The following MGAM variants were observed in gnomAD, a reference collection of about 807,000 sequenced individuals.
MGAM encodes maltase-glucoamylase, also known as alpha-1,4-glucosidase.
In MGAM, 253 loss-of-function variants were observed where a neutral mutation model predicts 358.8. The observed-to-expected ratio is 0.71, with a 90% CI of 0.64 to 0.78. MGAM has a LOEUF of 0.78. Among genes scored for constraint, MGAM ranks in the 30% least tolerant of loss-of-function variants. MGAM has a pLI of 0.00. For synonymous variants in MGAM, 1,105 were observed against 1,227.1 expected, an observed-to-expected ratio of 0.90 and a Z score of 2.08; for missense variants, 3,080 against 3,432.6, an observed-to-expected ratio of 0.90 and a Z score of 2.57.
intron 2 of MGAM, among the ~76,000 whole-genome samples, chr7:141,989,881 G>A (rs1451972386): frequency 6.6e-6 from 1 of 152,176 alleles, no homozygotes; most frequent in Non-Finnish European, 1.5e-5. Context: ...TCCACCCATA[G>A]TTAATTACTG....
intron 21 of MGAM, among the ~76,000 whole-genome samples, chr7:142,041,504 T>C (rs1222896296): frequency 6.6e-6 from 1 of 152,066 alleles, no homozygotes; most frequent in African/African-American, 2.4e-5. Context: ...TGCACACTGA[T>C]ACCAAATTAA....
At chr7:142,078,684 T>C (rs1563202107) in intron 48 of MGAM, 124 bp from the exon 49 acceptor site, 3 of 1,142,868 alleles carry the variant, frequency 2.6e-6, no homozygotes, top group Non-Finnish European at 3.7e-6. Context: ...TTTATGTTAT[T>C]GCCAAGTGAT....
chr7:142,101,522 G>A (rs147683876), intron 68 of MGAM, among the ~76,000 whole-genome samples: 5 of 151,744 alleles, frequency 3.3e-5, no homozygotes, highest in African/African-American at 1.2e-4. Context: ...AAATTTAAAC[G>A]TGTTACATTT....
chr7:142,022,469 G>C, intron 7 of MGAM, 30 bp downstream of exon 7: 1 of 1,599,082 alleles, frequency 6.3e-7, no homozygotes, highest in Admixed American at 1.7e-5. Context: ...CCTTTCCACT[G>C]AATATCATAG....
intron 14 of MGAM, among the ~76,000 whole-genome samples, chr7:142,033,521 A>T (rs1351793200): frequency 2.6e-5 from 4 of 152,176 alleles, no homozygotes; most frequent in African/African-American, 7.2e-5. Flanking sequence ...TGCTAAGATG[A>T]TAATAACTTA....
chr7:142,013,315 G>A (rs1453927663), intron 3 of MGAM, among the ~76,000 whole-genome samples: 2 of 152,036 alleles, frequency 1.3e-5, no homozygotes, highest in Non-Finnish European at 2.9e-5. Flanking sequence ...TCCCTCCAGT[G>A]GCAGGAAATG....
intron 69 of MGAM, 29 bp from the exon 70 acceptor site, chr7:142,103,240 A>G: frequency 1.3e-6 from 2 of 1,528,642 alleles, no homozygotes; most frequent in Admixed American, 2.1e-5. Flanking sequence ...TTCTGCTATT[A>G]TATTTTTCTT....
chr7:142,076,943 TG>T, intron 47 of MGAM, 117 bp downstream of exon 47: 2 of 1,203,128 alleles, frequency 1.7e-6, no homozygotes, highest in Non-Finnish European at 2.4e-6. Context: ...ATGCATGTTT[TG>T]GGGAATTGAG....
At position 142,079,112 on chromosome 7, in the gene MGAM, T is replaced by C. The variant is rs2960740; in HGVS notation, c.5847+104T>C. On this transcript the variant is annotated intron_variant, in intron 49 of 70. Coordinates refer to ENST00000475668, the MANE Select transcript of MGAM (RefSeq NM_001365693.1). The stretch of plus-strand genomic sequence containing the variant: ...CCTAAAATAAGTTAATCATGCTACA[T>C]TAGACTATGTCATTATCCAGAGAAC... 3 of 1,021,604 alleles carry C rather than the reference T, an allele frequency of 2.9e-6. No individual in the cohort carries two copies. The South Asian group carries it at 4.5e-5, about 15-fold the overall frequency. 63.3% of individuals were successfully genotyped at this position (1,021,604 alleles called of 1,614,324 possible). A position where few individuals can be genotyped will look rare whatever the true frequency, so the allele number is the denominator to read the frequency against.
intron 1 of MGAM, among the ~76,000 whole-genome samples, chr7:141,997,010 CTT>C (rs1804293220): frequency 1.3e-5 from 2 of 152,198 alleles, no homozygotes. Context: ...TAAAATAAAA[CTT>C]AAAATAAAAC....
At chr7:142,098,859 A>C (rs1187492076) in intron 66 of MGAM, among the ~76,000 whole-genome samples, 1 of 152,254 alleles carries the variant, frequency 6.6e-6, no homozygotes, top group Non-Finnish European at 1.5e-5. Context: ...TTTAATTAAA[A>C]TGAAGATGAA....
At chr7:142,060,168 T>C in intron 33 of MGAM, 143 bp from the exon 34 acceptor site, 5 of 1,320,676 alleles carry the variant, frequency 3.8e-6, no homozygotes, top group Non-Finnish European at 3.2e-6. Context: ...TGTTATGGAG[T>C]TCACTTTTCT....
intron 54 of MGAM, among the ~76,000 whole-genome samples, chr7:142,085,512 G>A (rs1476841619): frequency 6.9e-6 from 1 of 145,944 alleles, no homozygotes; most frequent in Non-Finnish European, 1.6e-5. Context: ...CTTGAGGGAG[G>A]TCATCACAGT....
In MGAM at chr7:142,034,893, A is replaced by T; in HGVS notation, c.1959+52A>T. The stretch of plus-strand genomic sequence containing the variant: ...TGAACCTGAATTCCCAGGCAACCTC[A>T]TTCTAGAAAGTTTTCAAACCACAAA... On this transcript the variant is annotated intron_variant, in intron 16 of 70. Coordinates refer to ENST00000475668, the MANE Select transcript of MGAM (RefSeq NM_001365693.1). The T allele has an allele frequency of 1.9e-6, 3 of 1,556,230 alleles. No individual in the cohort carries two copies. In the Admixed American group the frequency reaches 5.5e-5, roughly 29 times the overall value.
rs1479768530 is a variant in MGAM, at chr7:142,075,820, T to TG, written c.5276-383_5276-382insG. Among the ~76,000 whole-genome samples the TG allele has an allele frequency of 5.1e-4, 74 of 146,018 alleles. 4 individuals are homozygous for TG. The highest frequency in any genetic ancestry group is 1.8e-3 in the African/African-American group (74 of 41,216). On this transcript the variant is annotated intron_variant, in intron 45 of 70. Transcript: ENST00000475668. ...GAGGGTGTGGAGAAAATAGAATTTT[T>TG]TAGACTGTTGGTGGGACTGTAAATT...
chr7:142,042,490 CAT>C (rs1491311878), intron 21 of MGAM, among the ~76,000 whole-genome samples: 64 of 3,614 alleles, frequency 0.018, 21 homozygotes, highest in African/African-American at 0.11. Flanking sequence ...ATATTATATA[CAT>C]ATATATAATA....
rs1281671927 is a variant in MGAM, at chr7:142,085,257, C to G, written c.6508-576C>G. The stretch of plus-strand genomic sequence containing the variant: ...ATATCTAATTGTATTCTACATTTCT[C>G]TTGTTTTACAGTAGCTCCATTAGTG... On this transcript the variant is annotated intron_variant, in intron 54 of 70. Transcript: ENST00000475668. Among the ~76,000 whole-genome samples, 2 of 146,660 alleles carry G rather than the reference C, an allele frequency of 1.4e-5. 1 individual carries two copies. Among genetic ancestry groups the G allele is most frequent in the Non-Finnish European group, 3.1e-5 (2 of 64,732 alleles).
Position 142,019,335 on chromosome 7 carries a change from C to T in MGAM, c.448+16C>T. 6.2e-7 allele frequency: 1 copy of T among 1,609,780 alleles called. No individual in the cohort carries two copies. The highest frequency in any genetic ancestry group is 2.2e-5 in the East Asian group (1 of 44,776). On this transcript the variant is annotated intron_variant, in intron 4 of 70. Coordinates refer to ENST00000475668, the MANE Select transcript of MGAM (RefSeq NM_001365693.1). Reference sequence around the variant, plus strand: ...ACAAATGCAGGTAAGCCAGAGTCTGCCATGATGCAGGAGGTCCAGACCCTC... The same window carrying T: ...ACAAATGCAGGTAAGCCAGAGTCTGTCATGATGCAGGAGGTCCAGACCCTC...
rs1167390005 is a variant in MGAM, at chr7:142,072,827, T to A, written c.5187-1258T>A. On this transcript the variant is annotated intron_variant, in intron 44 of 70. Coordinates refer to ENST00000475668, the MANE Select transcript of MGAM (RefSeq NM_001365693.1). ...AATCAGAGGTTCACATTCTGTACCT[T>A]GGATTACTAGGCTTAATAGCCCAAT... Among the ~76,000 whole-genome samples the A allele has an allele frequency of 2.7e-5, 4 of 146,468 alleles. 1 individual carries two copies. Among genetic ancestry groups the A allele is most frequent in the Non-Finnish European group, 6.2e-5 (4 of 64,668 alleles).
Sources: gnomAD v4.1 joint callset for allele counts (sites outside exome capture counted in the v4.1 genomes callset) on GRCh38, gnomAD v4.1.1 for gene constraint, MANE v1.5 for transcripts, NCBI Gene and HGNC (gene_info 2026-07-23, HGNC 2026-07-21) for gene names.